CCL25: variants seen among roughly 807,000 people sequenced by gnomAD.
The protein encoded by CCL25 is C-C motif chemokine 25.
A neutral mutation model predicts 19.9 loss-of-function variants in CCL25; 14 were observed. The ratio of observed to expected loss-of-function variants is 0.70; its 90% CI spans 0.47 to 1.10. The LOEUF is 1.10. Ranked by LOEUF, CCL25 falls within the 50% of genes least tolerant of loss-of-function variation. CCL25 has a pLI of 0.00. For synonymous variants in CCL25, 68 were observed against 73.2 expected (o/e 0.93, Z 0.36); for missense variants, 151 against 181.2 (o/e 0.83, Z 0.96).
rs2081241186 is a variant in CCL25, at chr19:8,052,766, G to A, written c.-107G>A. 7.3e-6 allele frequency: 3 copies of A among 410,360 alleles called. No homozygotes were observed. The East Asian group carries it at 1.1e-4, about 15-fold the overall frequency. 25.4% of individuals were successfully genotyped at this position (410,360 alleles called of 1,614,324 possible). ...AGCTCAGCGTGTTGGTCCTGCAGATGGGACAGCTTGGCCTACAGCCCGGCG... is the reference window on the plus strand; with the variant it reads ...AGCTCAGCGTGTTGGTCCTGCAGATAGGACAGCTTGGCCTACAGCCCGGCG... On this transcript the variant is annotated 5_prime_UTR_variant, in exon 1 of 6. It removes an upstream start codon present in the reference 5' UTR. Transcript: ENST00000315626.
chr19:8,055,616 G>A (rs1229966295), intron 2 of CCL25, among the ~76,000 whole-genome samples: 1 of 151,862 alleles, frequency 6.6e-6, no homozygotes, highest in African/African-American at 2.4e-5. Context: ...TTAAAGGCAT[G>A]AGCCACCGCG....
chr19:8,052,619 G>A (rs147408962), upstream of CCL25: 16 of 162,716 alleles, frequency 9.8e-5, no homozygotes, highest in Admixed American at 5.2e-4. Context: ...CCTGTGGGTC[G>A]AGGTTGGAGC....
chr19:8,059,160 A>T (rs374116334), intron 5 of CCL25, among the ~76,000 whole-genome samples: 9 of 33,262 alleles, frequency 2.7e-4, no homozygotes, highest in African/African-American at 7.7e-4. Context: ...TAATATATAT[A>T]ATATATAATA....
intron 2 of CCL25, among the ~76,000 whole-genome samples, chr19:8,055,844 C>T (rs182092177): frequency 6.6e-6 from 1 of 152,242 alleles, no homozygotes; most frequent in East Asian, 1.9e-4. Context: ...CACAGTGCAC[C>T]TGCACTCCGA....
intron 5 of CCL25, among the ~76,000 whole-genome samples, 176 bp downstream of exon 5, chr19:8,058,096 G>A (rs901132614): frequency 6.6e-6 from 1 of 151,724 alleles, no homozygotes; most frequent in Non-Finnish European, 1.5e-5. Context: ...CCACTGCTGT[G>A]ACTCAGCGCA....
At chr19:8,058,511 T>G (rs1336402841) in intron 5 of CCL25, among the ~76,000 whole-genome samples, 1 of 109,458 alleles carries the variant, frequency 9.1e-6, no homozygotes, top group Non-Finnish European at 1.8e-5. Context: ...GTAAATATAT[T>G]ATATATAATA....
At chr19:8,055,101 C>T (rs1026424863) in intron 2 of CCL25, among the ~76,000 whole-genome samples, 3 of 150,696 alleles carry the variant, frequency 2.0e-5, no homozygotes, top group African/African-American at 7.3e-5. Context: ...CCATCCTGGC[C>T]AACATGGTGA....
intron 2 of CCL25, 71 bp from the exon 3 acceptor site, chr19:8,056,081 C>A: frequency 2.0e-6 from 2 of 1,012,586 alleles, no homozygotes; most frequent in Non-Finnish European, 3.0e-6. Context: ...AGACAGGTGC[C>A]CTTGCCTGTG....
chr19:8,061,624 A>G (rs546845393), intron 5 of CCL25, among the ~76,000 whole-genome samples: 55 of 152,312 alleles, frequency 3.6e-4, no homozygotes, highest in Admixed American at 5.9e-4. Context: ...TCATTAGAAT[A>G]AAATATGTCC....
chr19:8,059,103 T>C (rs1205142711), intron 5 of CCL25, among the ~76,000 whole-genome samples: 1 of 76,454 alleles, frequency 1.3e-5, no homozygotes, highest in Non-Finnish European at 3.1e-5. Flanking sequence ...AATGTATATA[T>C]TTATATATAA....
At chr19:8,061,657 G>A (rs768667822) in intron 5 of CCL25, among the ~76,000 whole-genome samples, 24 of 151,920 alleles carry the variant, frequency 1.6e-4, no homozygotes, top group Admixed American at 3.9e-4. Flanking sequence ...ACACTCCAAG[G>A]GATCCAGAGC....
In CCL25 at chr19:8,057,821, A is replaced by C; in HGVS notation, c.346A>C (p.Lys116Gln). 1 of 1,613,120 alleles carries C rather than the reference A, an allele frequency of 6.2e-7. No individual in the cohort carries two copies. Among genetic ancestry groups the C allele is most frequent in the Non-Finnish European group, 8.5e-7 (1 of 1,179,388 alleles). ...TFQAGPHAVK[K>Q]LSSGNSKLSS... ...TCCAGCAGGCCCTCATGCTGTAAAG[A>C]AGTTGAGTTCTGGAAACTCCAAGTT... Residue 116 changes from lysine to glutamine, a missense_variant, in exon 5 of 6, where the codon AAG becomes CAG. Coordinates refer to ENST00000315626, the MANE Select transcript of CCL25 (RefSeq NM_005624.4).
chr19:8,052,399 G>A (rs953092990), upstream of CCL25, among the ~76,000 whole-genome samples: 1 of 151,962 alleles, frequency 6.6e-6, no homozygotes, highest in Non-Finnish European at 1.5e-5. Flanking sequence ...AGTGAAGTTG[G>A]GGACCCACCA....
chr19:8,056,347 C>T lies in CCL25; in HGVS notation c.192-19C>T, dbSNP rs768709245. The stretch of plus-strand genomic sequence containing the variant: ...CCAGCCTACACCCTAACCTGGGCAC[C>T]CCCCTCTGCTCACCACAGATTCTAC... On this transcript the variant is annotated intron_variant, in intron 3 of 5. Transcript: ENST00000315626. 2 of 1,612,494 alleles carry T rather than the reference C, an allele frequency of 1.2e-6. No homozygotes were observed. The highest frequency in any genetic ancestry group is 1.7e-6 in the Non-Finnish European group (2 of 1,179,372).
chr19:8,060,750 G>A (rs560164618), intron 5 of CCL25, among the ~76,000 whole-genome samples: 2 of 151,372 alleles, frequency 1.3e-5, no homozygotes, highest in Admixed American at 6.6e-5. Context: ...GCATGATCTC[G>A]GCTCACTGCA....
At chr19:8,060,721 C>A (rs1383762136) in intron 5 of CCL25, among the ~76,000 whole-genome samples, 2 of 151,246 alleles carry the variant, frequency 1.3e-5, no homozygotes, top group African/African-American at 4.9e-5. Flanking sequence ...TGCTCTGTCA[C>A]CCAGGCTGGA....
In CCL25 at chr19:8,056,418, G is replaced by A. The variant is rs2081273014; in HGVS notation, c.244G>A (p.Glu82Lys). The change falls in exon 4 of 6, where the codon GAG becomes AAG. Residue 82 changes from glutamate to lysine, a missense_variant. Coordinates refer to ENST00000315626, the MANE Select transcript of CCL25 (RefSeq NM_005624.4). ...RKVCGNPKSREVQRAMKLLDA... is the reference protein window; with the variant it reads ...RKVCGNPKSRKVQRAMKLLDA... ...GGTGTGTGGGAACCCCAAAAGCAGG[G>A]AGGTGCAGAGAGCCATGAAGCTCCT... is the stretch of plus-strand genomic sequence containing the variant. 2 of 1,613,996 alleles carry A rather than the reference G, an allele frequency of 1.2e-6. No homozygotes were observed. Among genetic ancestry groups the A allele is most frequent in the Admixed American group, 1.7e-5 (1 of 59,978 alleles).
chr19:8,059,816 G>A (rs1348148157), intron 5 of CCL25, among the ~76,000 whole-genome samples: 3 of 151,914 alleles, frequency 2.0e-5, no homozygotes, highest in Non-Finnish European at 4.4e-5. Context: ...ATGGCCGGGC[G>A]CGGTGGCTCA....
At chr19:8,059,759 T>A (rs1289687840) in intron 5 of CCL25, among the ~76,000 whole-genome samples, 1 of 152,118 alleles carries the variant, frequency 6.6e-6, no homozygotes, top group Non-Finnish European at 1.5e-5. Context: ...ACGCCTGTAA[T>A]CCTAGCACTT....
Sources: allele counts gnomAD v4.1 joint callset (sites outside exome capture counted in the v4.1 genomes callset), GRCh38; gene constraint gnomAD v4.1.1; transcripts MANE v1.5; gene names NCBI Gene and HGNC (gene_info 2026-07-23, HGNC 2026-07-21).